The following RECQL5 variants were observed in gnomAD, a reference collection of about 807,000 sequenced individuals.
The protein encoded by RECQL5 is ATP-dependent DNA helicase Q5.
Under a neutral mutation model 103.4 loss-of-function variants are expected in RECQL5, and 88 were observed. The observed-to-expected ratio is 0.85, with a 90% CI of 0.72 to 1.02. The LOEUF is 1.02. Ranked by LOEUF, RECQL5 falls within the 50% of genes least tolerant of loss-of-function variation. The probability of loss-of-function intolerance (pLI) is 0.00; values close to 1 mark genes in which losing one functional copy is unlikely to be tolerated. For missense variants in RECQL5, 1,232 were observed against 1,284.3 expected (o/e 0.96, Z 0.62); for synonymous variants, 552 against 507.9 (o/e 1.09, Z -1.17).
intron 8 of RECQL5, chr17:75,634,125 C>T (rs556328743): frequency 2.1e-5 from 21 of 985,496 alleles, no homozygotes; most frequent in African/African-American, 1.7e-5. Context: ...GCGGCGCCCA[C>T]GAAGGAAGTA....
intron 4 of RECQL5, 128 bp downstream of exon 4, chr17:75,662,351 T>C (rs2059710826): frequency 2.9e-6 from 3 of 1,035,128 alleles, no homozygotes; most frequent in East Asian, 4.8e-5. Context: ...CAACTCTTTT[T>C]GTGCACAAGT....
intron 8 of RECQL5, chr17:75,650,353 C>A: frequency 3.5e-6 from 4 of 1,129,704 alleles, no homozygotes; most frequent in Non-Finnish European, 4.4e-6. Context: ...AAACACACAG[C>A]CCAAAGAGTT....
chr17:75,649,357 A>C (rs2059526986), intron 8 of RECQL5: 1 of 152,288 alleles, frequency 6.6e-6, no homozygotes, highest in African/African-American at 2.4e-5. Flanking sequence ...ACAGATAGAG[A>C]AGAGAGGAAA....
intron 8 of RECQL5, among the ~76,000 whole-genome samples, chr17:75,644,943 T>C (rs1261783137): frequency 6.6e-6 from 1 of 152,240 alleles, no homozygotes; most frequent in Non-Finnish European, 1.5e-5. Flanking sequence ...CTTTTTTACA[T>C]ATCTCACATT....
chr17:75,633,690 A>C, intron 8 of RECQL5: 1 of 1,142,234 alleles, frequency 8.8e-7, no homozygotes, highest in Non-Finnish European at 1.1e-6. Flanking sequence ...CCAGAGGGAC[A>C]GAAGGGGTGG....
chr17:75,647,656 T>G, intron 8 of RECQL5: 1 of 1,257,200 alleles, frequency 8.0e-7, no homozygotes, highest in Non-Finnish European at 1.1e-6. Context: ...TCCCTCTGGC[T>G]CAGGGGCCAA....
chr17:75,665,833 G>A lies in RECQL5; in HGVS notation c.130+595C>T, dbSNP rs552780335. Among the ~76,000 whole-genome samples the A allele has an allele frequency of 7.9e-5, 12 of 152,258 alleles. No individual in the cohort carries two copies. In the East Asian group the frequency reaches 2.3e-3, roughly 29 times the overall value. ...ACATTACTTAGAGGGCTTTTGTTTA[G>A]ACATGTATCATTAATATTACATTGC... On this transcript the variant is annotated intron_variant, in intron 2 of 19. Transcript: ENST00000317905.
chr17:75,629,967 C>T, intron 14 of RECQL5, 125 bp from the exon 15 acceptor site: 4 of 1,338,676 alleles, frequency 3.0e-6, no homozygotes, highest in Non-Finnish European at 4.0e-6. Flanking sequence ...AGGCAACTGA[C>T]CACTGGGCAA....
rs554189225 is a variant in RECQL5, at chr17:75,628,460, A to G, written c.2581-18T>C. 1.6e-5 allele frequency: 26 copies of G among 1,610,818 alleles called. No homozygotes were observed. The highest frequency in any genetic ancestry group is 3.5e-4 in the Middle Eastern group (2 of 5,728). The stretch of plus-strand genomic sequence containing the variant: ...GGGTTCTCCTGAGAAGGGCCACAGC[A>G]GAGGGTCACTCCTGAGCTCCCTTCC... On this transcript the variant is annotated intron_variant, in intron 17 of 19. Transcript: ENST00000317905.
Position 75,662,803 on chromosome 17 carries a change from G to A in RECQL5, c.447C>T (p.His149=). ...QPTLNSLVSR[H]LLSYLVVDEA... ...CATCCACCACCAAGTAAGACAGCAG[G>A]TGGCGGGACACCAGGGAGTTCAGGG... Residue 149 remains histidine, a synonymous_variant, in exon 4 of 20, where the codon CAC becomes CAT. Transcript: ENST00000317905. The A allele has an allele frequency of 6.2e-7, 1 of 1,614,144 alleles. No homozygotes were observed. The highest frequency in any genetic ancestry group is 8.5e-7 in the Non-Finnish European group (1 of 1,180,026).
chr17:75,664,777 G>A (rs2059745062), intron 3 of RECQL5, among the ~76,000 whole-genome samples: 1 of 151,888 alleles, frequency 6.6e-6, no homozygotes, highest in Non-Finnish European at 1.5e-5. Flanking sequence ...GCCGGGTATG[G>A]TGGCATACAC....
intron 8 of RECQL5, chr17:75,634,193 G>C (rs2059275788): frequency 1.0e-6 from 1 of 985,520 alleles, no homozygotes; most frequent in African/African-American, 1.7e-5. Flanking sequence ...CCCAACACCT[G>C]AGCTCCCAGG....
intron 8 of RECQL5, chr17:75,649,545 G>A: frequency 1.2e-6 from 1 of 825,054 alleles, no homozygotes; most frequent in Non-Finnish European, 1.5e-6. Flanking sequence ...CTCACTGCCA[G>A]GTGCCCGCCC....
At chr17:75,628,593 C>T (rs1568253638) in intron 17 of RECQL5, 79 bp downstream of exon 17, 2 of 1,513,632 alleles carry the variant, frequency 1.3e-6, no homozygotes, top group Non-Finnish European at 1.8e-6. Context: ...TTTCCCTGAC[C>T]CCTTGAGCAG....
At position 75,642,995 on chromosome 17, in the gene RECQL5, A is replaced by C. The variant is rs76460438; in HGVS notation, c.1229+8191T>G. Among the ~76,000 whole-genome samples the C allele has an allele frequency of 7.7e-4, 117 of 152,314 alleles. 1 individual carries two copies. The East Asian group carries it at 0.02, about 26-fold the overall frequency. On this transcript the variant is annotated intron_variant, in intron 8 of 19. Transcript: ENST00000317905. ...TCCTCCATCGACCAACCCTACACCCAAAACACCCACACCCCAAACTCTGTC... is the reference window on the plus strand; with the variant it reads ...TCCTCCATCGACCAACCCTACACCCCAAACACCCACACCCCAAACTCTGTC...
At chr17:75,638,108 G>A (rs905438421) in intron 8 of RECQL5, 6 of 152,058 alleles carry the variant, frequency 3.9e-5, no homozygotes, top group African/African-American at 1.4e-4. Flanking sequence ...TCTAACTCAG[G>A]GAACCCACGG....
chr17:75,630,575 C>A (rs532909263), intron 13 of RECQL5, 44 bp downstream of exon 13: 32 of 1,599,676 alleles, frequency 2.0e-5, no homozygotes, highest in Non-Finnish European at 2.7e-5. Flanking sequence ...TCCAAGGGAA[C>A]GAGAGCTTGG....
rs761285592 is a variant in RECQL5 at position 75,640,903 on chromosome 17, G to A, written c.1230-9235C>T. ...TGCAGCCGACACCACCATGACGGAC[G>A]GGCGATGGCTGAGGAGAAGCTGGAG... On this transcript the variant is annotated intron_variant, in intron 8 of 19. Coordinates refer to ENST00000317905, the MANE Select transcript of RECQL5 (RefSeq NM_004259.7). The surrounding 1 kb of genome is among the most constrained non-coding windows in gnomAD (Gnocchi z 4.6). 49 of 1,542,354 alleles carry A rather than the reference G, an allele frequency of 3.2e-5. No homozygotes were observed. In the Middle Eastern group the frequency reaches 1.0e-3, roughly 31 times the overall value.
In RECQL5 at chr17:75,631,605, G is replaced by A. The variant is rs1216727420; in HGVS notation, c.1293C>T (p.Cys431=). ...CGGCCGTGGGGTTCTGGCAGTGGTC[G>A]CAGCCTTTGGCGCAGGCAGGCAGCG... ...GDALPACAKG[C]DHCQNPTAVR... is the part of the protein sequence containing the mutation. The change falls in exon 9 of 20, where the codon TGC becomes TGT. Residue 431 remains cysteine (C), a synonymous_variant. Coordinates refer to ENST00000317905, the MANE Select transcript of RECQL5 (RefSeq NM_004259.7). The A allele has an allele frequency of 4.3e-6, 7 of 1,612,614 alleles. No homozygotes were observed. Among genetic ancestry groups the A allele is most frequent in the African/African-American group, 4.0e-5 (3 of 74,936 alleles).
Sources: allele counts gnomAD v4.1 joint callset (sites outside exome capture counted in the v4.1 genomes callset), GRCh38; gene constraint gnomAD v4.1.1; non-coding constraint Gnocchi (gnomAD v3.1); transcripts MANE v1.5; gene names NCBI Gene and HGNC (gene_info 2026-07-23, HGNC 2026-07-21).